The following SHKBP1 variants were observed in gnomAD, a reference collection of about 807,000 sequenced individuals.
SHKBP1 encodes the protein SH3KBP1 binding protein 1.
Under a neutral mutation model 83.9 loss-of-function variants are expected in SHKBP1, and 71 were observed. That is an observed-to-expected ratio of 0.85 (90% confidence interval 0.70 to 1.03). The LOEUF is 1.03. Ranked by LOEUF, SHKBP1 falls within the 50% of genes least tolerant of loss-of-function variation. The pLI is 0.00. For synonymous variants in SHKBP1, 371 were observed against 398.0 expected (o/e 0.93, Z 0.81); for missense variants, 824 against 982.4 (o/e 0.84, Z 2.16).
At chr19:40,577,324 T>C (rs370804136) in intron 2 of SHKBP1, 40 bp downstream of exon 2, 4 of 1,613,636 alleles carry the variant, frequency 2.5e-6, no homozygotes, top group South Asian at 2.2e-5. Flanking sequence ...GTAGGAGGGA[T>C]GGAGAGGGCG....
chr19:40,588,358 T>TA (rs2081328366), intron 13 of SHKBP1, among the ~76,000 whole-genome samples: 1 of 152,166 alleles, frequency 6.6e-6, no homozygotes, highest in African/African-American at 2.4e-5. Context: ...GGCGTGCTGA[T>TA]ACGGTCCAGG....
At position 40,586,794 on chromosome 19, in the gene SHKBP1, G is replaced by T; in HGVS notation, c.1186G>T (p.Glu396Ter). The T allele has an allele frequency of 3.1e-6, 5 of 1,594,592 alleles. No homozygotes were observed. The highest frequency in any genetic ancestry group is 3.4e-6 in the Non-Finnish European group (4 of 1,166,938). ...PKTSDSGNWI[E>*]IAYGTSSGGV... ...ACCAGGTGACAGTGGGAACTGGATC[G>T]AGATCGCCTATGGCACCAGCTCAGG... The change falls in exon 13 of 18, where the codon GAG (glutamate) becomes TAG (stop). Residue 396 changes from glutamate (E) to a stop codon, truncating the protein, a stop_gained. Coordinates refer to ENST00000291842, the MANE Select transcript of SHKBP1 (RefSeq NM_138392.4). LOFTEE classifies it high-confidence loss of function.
At chr19:40,577,817 G>A in intron 4 of SHKBP1, 187 bp downstream of exon 4, 1 of 721,694 alleles carries the variant, frequency 1.4e-6, no homozygotes, top group South Asian at 1.7e-5. Context: ...CGAGGTGGGA[G>A]GATCACTTGA....
chr19:40,588,880 G>T, intron 14 of SHKBP1, 101 bp downstream of exon 14: 2 of 1,482,272 alleles, frequency 1.3e-6, no homozygotes, highest in South Asian at 2.5e-5. Context: ...CCAGGAGCCT[G>T]CAACGATTGG....
Position 40,590,667 on chromosome 19 carries a change from C to G in SHKBP1, c.1769-63C>G. Reference sequence around the variant, plus strand: ...GACCCTCGGTGCTTGCACTGCAATGCAACCCAGGCCCTTGCCCTATGACCC... The same window carrying G: ...GACCCTCGGTGCTTGCACTGCAATGGAACCCAGGCCCTTGCCCTATGACCC... On this transcript the variant is annotated intron_variant, in intron 16 of 17. Transcript: ENST00000291842. This position sits in a 1 kb window ranked among gnomAD's most constrained non-coding sequence, Gnocchi z 4.6. 6.6e-7 allele frequency: 1 copy of G among 1,513,038 alleles called. No individual in the cohort carries two copies. The highest frequency in any genetic ancestry group is 8.9e-7 in the Non-Finnish European group (1 of 1,129,880). 93.7% of individuals were successfully genotyped at this position (1,513,038 alleles called of 1,614,324 possible). A position where few individuals can be genotyped will look rare whatever the true frequency, so the allele number is the denominator to read the frequency against.
chr19:40,580,250 T>G, intron 6 of SHKBP1, 74 bp from the exon 7 acceptor site: 1 of 1,520,780 alleles, frequency 6.6e-7, no homozygotes, highest in Non-Finnish European at 8.9e-7. Flanking sequence ...TCAATCACCG[T>G]CATATTTTAA....
intron 10 of SHKBP1, among the ~76,000 whole-genome samples, chr19:40,582,913 A>G (rs2081281828): frequency 6.6e-6 from 1 of 152,086 alleles, no homozygotes. Flanking sequence ...AATCAGAAAG[A>G]GGTGACAGAG....
At position 40,581,021 on chromosome 19, in the gene SHKBP1, C is replaced by T. The variant is rs58418484; in HGVS notation, c.844+85C>T. 1,239 of 1,319,850 alleles carry T rather than the reference C, an allele frequency of 9.4e-4. 13 individuals carry two copies. The East Asian group carries it at 0.028, about 30-fold the overall frequency. The allele number at this position is 1,319,850 out of a possible 1,614,324, so 81.8% of individuals were successfully genotyped here. The stretch of plus-strand genomic sequence containing the variant: ...TGACCCACCCCATAAAATCCTCAAA[C>T]CCATAAGAATTCTCTGCTCTATTAG... On this transcript the variant is annotated intron_variant, in intron 9 of 17. Coordinates refer to ENST00000291842, the MANE Select transcript of SHKBP1 (RefSeq NM_138392.4).
Position 40,590,129 on chromosome 19 carries a change from G to A in SHKBP1, c.1590-115G>A, listed in dbSNP as rs2081345334. The A allele has an allele frequency of 2.5e-6, 3 of 1,206,712 alleles. No individual in the cohort carries two copies. The highest frequency in any genetic ancestry group is 4.5e-4 in the Middle Eastern group (2 of 4,416). 74.8% of individuals were successfully genotyped at this position (1,206,712 alleles called of 1,614,324 possible). ...TGGAACTCAAAAGCAGGCTAGGGAT[G>A]GATAAAGATTGGGATGGCCCCTGGA... On this transcript the variant is annotated intron_variant, in intron 15 of 17. Transcript: ENST00000291842. This position sits in a 1 kb window ranked among gnomAD's most constrained non-coding sequence, Gnocchi z 4.6.
chr19:40,584,099 C>A (rs1370894536), intron 12 of SHKBP1, among the ~76,000 whole-genome samples: 1 of 152,154 alleles, frequency 6.6e-6, no homozygotes, highest in Non-Finnish European at 1.5e-5. Context: ...CCTCAGCCCC[C>A]CAAAGTACTG....
Position 40,582,483 on chromosome 19 carries a change from G to A in SHKBP1, c.960+17G>A, listed in dbSNP as rs202235874. On this transcript the variant is annotated intron_variant, in intron 10 of 17. Transcript: ENST00000291842. Reference sequence around the variant, plus strand: ...CACTGGCAGGTCAGAGTTCTGGCCAGCCTGGCTGCCCCCTTCCCAGTTTTC... The same window carrying A: ...CACTGGCAGGTCAGAGTTCTGGCCAACCTGGCTGCCCCCTTCCCAGTTTTC... 209 of 1,608,614 alleles carry A rather than the reference G, an allele frequency of 1.3e-4. No homozygotes were observed. The highest frequency in any genetic ancestry group is 1.6e-4 in the Middle Eastern group (1 of 6,072).
chr19:40,591,035 C>G lies in SHKBP1; in HGVS notation c.1952C>G (p.Pro651Arg), dbSNP rs555012951. 11 of 1,612,828 alleles carry G rather than the reference C, an allele frequency of 6.8e-6. No homozygotes were observed. The highest frequency in any genetic ancestry group is 1.3e-5 in the African/African-American group (1 of 74,922). ...LSGHRGSPSP[P>R]QAEARRRGGG... ...GGCCACCGTGGGAGCCCAAGCCCCCCGCAGGCTGAGGCCCGGCGCCGTGGT... is the reference window on the plus strand; with the variant it reads ...GGCCACCGTGGGAGCCCAAGCCCCCGGCAGGCTGAGGCCCGGCGCCGTGGT... The change falls in exon 18 of 18, where the codon CCG (proline) becomes CGG (arginine). Residue 651 changes from proline (P) to arginine (R), a missense_variant. Pro to Arg is a moderately radical substitution (Grantham distance 103). Around this residue, in one of 3 missense-constraint regions of SHKBP1, gnomAD observed 287 missense variants for 322.9 expected, o/e 0.89. Coordinates refer to ENST00000291842, the MANE Select transcript of SHKBP1 (RefSeq NM_138392.4).
chr19:40,579,098 C>CATTTATTT (rs57291083), intron 6 of SHKBP1, among the ~76,000 whole-genome samples: 103 of 151,742 alleles, frequency 6.8e-4, no homozygotes, highest in Admixed American at 2.5e-3. Flanking sequence ...GAAAAACAAT[C>CATTTATTT]ATTTATTTAT....
In SHKBP1 at chr19:40,590,537, C is replaced by T; in HGVS notation, c.1768+115C>T. Reference sequence around the variant, plus strand: ...GGCCCTTGCCCTCTGACCCCTTTTCCTTTGACCCCCTCTCTGCTCCCCATC... The same window carrying T: ...GGCCCTTGCCCTCTGACCCCTTTTCTTTTGACCCCCTCTCTGCTCCCCATC... On this transcript the variant is annotated intron_variant, in intron 16 of 17. Transcript: ENST00000291842. The surrounding 1 kb of genome is among the most constrained non-coding windows in gnomAD (Gnocchi z 4.6). The T allele has an allele frequency of 7.6e-7, 1 of 1,320,758 alleles. No homozygotes were observed. The highest frequency in any genetic ancestry group is 1.0e-6 in the Non-Finnish European group (1 of 961,946). The allele number at this position is 1,320,758 out of a possible 1,614,324, so 81.8% of individuals were successfully genotyped here.
chr19:40,588,864 C>T (rs1314102594), intron 14 of SHKBP1, 85 bp downstream of exon 14: 6 of 1,534,654 alleles, frequency 3.9e-6, no homozygotes, highest in Non-Finnish European at 5.3e-6. Context: ...CTTGCGGCCA[C>T]CTGACCCAGG....
At position 40,590,246 on chromosome 19, in the gene SHKBP1, T is replaced by C. The variant is rs771161086; in HGVS notation, c.1592T>C (p.Val531Ala). 5.1e-6 allele frequency: 8 copies of C among 1,582,540 alleles called. No individual in the cohort carries two copies. Among genetic ancestry groups the C allele is most frequent in the Non-Finnish European group, 6.9e-6 (8 of 1,166,398 alleles). The change falls in exon 16 of 18, where the codon GTG (valine) becomes GCG (alanine). Residue 531 changes from valine to alanine, a missense_variant and splice_region_variant. Around this residue, in one of 3 missense-constraint regions of SHKBP1, gnomAD observed 287 missense variants for 322.9 expected, o/e 0.89. Coordinates refer to ENST00000291842, the MANE Select transcript of SHKBP1 (RefSeq NM_138392.4). The surrounding 1 kb of genome is among the most constrained non-coding windows in gnomAD (Gnocchi z 4.6). ...ACCTCCCCCACTGCACCCCCCAGGGTGTGCTCCGTGCGCTCCGTGGACGGC... is the reference window on the plus strand; with the variant it reads ...ACCTCCCCCACTGCACCCCCCAGGGCGTGCTCCGTGCGCTCCGTGGACGGC... Reference protein sequence around the residue: ...FVRLSSTGQRVCSVRSVDGSP... With the variant: ...FVRLSSTGQRACSVRSVDGSP...
chr19:40,588,283 G>A (rs577247034), intron 13 of SHKBP1, among the ~76,000 whole-genome samples: 17 of 152,168 alleles, frequency 1.1e-4, no homozygotes, highest in Admixed American at 2.0e-4. Flanking sequence ...GTGTTCACAG[G>A]CTCCACCTGG....
chr19:40,585,278 G>T (rs1057387062), intron 12 of SHKBP1, among the ~76,000 whole-genome samples: 2 of 151,800 alleles, frequency 1.3e-5, no homozygotes, highest in Non-Finnish European at 2.9e-5. Flanking sequence ...TCTAATTTTT[G>T]TATTTTTTTG....
At chr19:40,578,889 C>G (rs1417200882) in intron 6 of SHKBP1, among the ~76,000 whole-genome samples, 2 of 152,064 alleles carry the variant, frequency 1.3e-5, no homozygotes, top group African/African-American at 4.8e-5. Flanking sequence ...CCCATGATAG[C>G]CAGCCCACTG....
Sources: allele counts gnomAD v4.1 joint callset (sites outside exome capture counted in the v4.1 genomes callset), GRCh38; gene constraint gnomAD v4.1.1; regional missense constraint gnomAD v4.1.1; non-coding constraint Gnocchi (gnomAD v3.1); transcripts MANE v1.5; gene names NCBI Gene and HGNC (gene_info 2026-07-23, HGNC 2026-07-21).